DACH1: variants seen among roughly 807,000 people sequenced by gnomAD.
DACH1 encodes the protein dachshund homolog 1.
DACH1 carries 12 observed loss-of-function variants against 54.2 expected under a neutral mutation model. The observed-to-expected ratio is 0.22, with a 90% CI of 0.14 to 0.36. The LOEUF (loss-of-function observed/expected upper bound fraction) is 0.36, where lower values mean the gene tolerates loss of function less well. Among genes scored for constraint, DACH1 ranks in the 10% least tolerant of loss-of-function variants. The pLI is 1.00. For synonymous variants in DACH1, 386 were observed against 366.2 expected (o/e 1.05, Z -0.62); for missense variants, 805 against 929.8 (o/e 0.87, Z 1.75).
chr13:71,814,338 T>C (rs916982077), intron 1 of DACH1, among the ~76,000 whole-genome samples: 3 of 152,250 alleles, frequency 2.0e-5, no homozygotes, highest in African/African-American at 7.2e-5. Flanking sequence ...TCCATTTACT[T>C]AGAATACTTT....
At chr13:71,809,253 C>G (rs303965) in intron 1 of DACH1, among the ~76,000 whole-genome samples, 50,392 of 151,994 alleles carry the variant, frequency 0.33, 8,960 homozygotes, top group African/African-American at 0.43. Context: ...GGCATGATCA[C>G]AGCTCACTTC....
At position 71,866,298 on chromosome 13, in the gene DACH1, T is replaced by C; in HGVS notation, c.472A>G (p.Ser158Gly). Residue 158 changes from serine to glycine, a missense_variant, in exon 1 of 11, where the codon AGC (serine) becomes GGC (glycine). By Grantham distance (56) the Ser-to-Gly change is moderately conservative. This residue lies in a region of DACH1 where 305 missense variants were observed against 308.7 expected (regional missense o/e 0.99). Coordinates refer to ENST00000613252, the MANE Select transcript of DACH1 (RefSeq NM_080759.6). Reference sequence around the variant, plus strand: ...GGGCCGCAGCTGCTGCTGCTACTGCTGCTGCTGCTACTACTGCTGCTGCTG... The same window carrying C: ...GGGCCGCAGCTGCTGCTGCTACTGCCGCTGCTGCTACTACTGCTGCTGCTG... ...SSSSSSSSSS[S>G]SSSSSCGPLP... The C allele has an allele frequency of 6.4e-7, 1 of 1,565,390 alleles. No individual in the cohort carries two copies. Among genetic ancestry groups the C allele is most frequent in the East Asian group, 2.4e-5 (1 of 41,962 alleles).
intron 1 of DACH1, among the ~76,000 whole-genome samples, chr13:71,758,347 C>G (rs1885254514): frequency 6.6e-6 from 1 of 152,092 alleles, no homozygotes. Flanking sequence ...AAAAAGAGAT[C>G]CCTGGAAAAC....
chr13:71,639,976 G>T (rs1386682651), intron 2 of DACH1, among the ~76,000 whole-genome samples: 1 of 151,876 alleles, frequency 6.6e-6, no homozygotes, highest in African/African-American at 2.4e-5. Flanking sequence ...AAAACTTGGG[G>T]ATTAGAAAGA....
At chr13:71,643,919 AT>A (rs780967856) in intron 2 of DACH1, among the ~76,000 whole-genome samples, 6 of 152,192 alleles carry the variant, frequency 3.9e-5, no homozygotes, top group African/African-American at 7.2e-5. Context: ...TTCTAAACAG[AT>A]GAAAAAGTGC....
chr13:71,586,267 C>A (rs1873259445), intron 3 of DACH1, among the ~76,000 whole-genome samples: 1 of 151,916 alleles, frequency 6.6e-6, no homozygotes, highest in African/African-American at 2.4e-5. Context: ...ACTTTTAGAC[C>A]CTCCCTGAGT....
chr13:71,452,710 G>A (rs975139511), intron 10 of DACH1, among the ~76,000 whole-genome samples: 5 of 152,126 alleles, frequency 3.3e-5, no homozygotes, highest in Admixed American at 1.3e-4. Flanking sequence ...TTTGAAACTC[G>A]ACAGAGGGTG....
chr13:71,623,189 C>T (rs1445638433), intron 3 of DACH1, among the ~76,000 whole-genome samples: 3 of 151,446 alleles, frequency 2.0e-5, no homozygotes, highest in East Asian at 3.9e-4. Flanking sequence ...TCACCTGTTG[C>T]CATCATTAAT....
At chr13:71,654,389 CAAAATAAAAT>C (rs540730866) in intron 2 of DACH1, among the ~76,000 whole-genome samples, 3,778 of 60,080 alleles carry the variant, frequency 0.063, 275 homozygotes, top group Middle Eastern at 0.1. Context: ...GACTCTGTCT[CAAAATAAAAT>C]AAAATAAAAT....
intron 3 of DACH1, among the ~76,000 whole-genome samples, chr13:71,611,156 G>T (rs898565325): frequency 2.0e-5 from 3 of 152,162 alleles, no homozygotes; most frequent in Admixed American, 2.0e-4. Flanking sequence ...GCATAATTCA[G>T]ACTTTCTCTT....
chr13:71,559,936 G>T lies in DACH1; in HGVS notation c.1319C>A (p.Pro440His). 1 of 1,589,134 alleles carries T rather than the reference G, an allele frequency of 6.3e-7. No individual in the cohort carries two copies. Among genetic ancestry groups the T allele is most frequent in the East Asian group, 2.3e-5 (1 of 43,954 alleles). The stretch of plus-strand genomic sequence containing the variant: ...CTCCTCCAGAGAGGGGGCAGGTGAG[G>T]GGCTATCAGGAACACGCTCCTGCAC... Reference protein sequence around the residue: ...SVIKERVPDSPSPAPSLEEGR... With the variant: ...SVIKERVPDSHSPAPSLEEGR... The change falls in exon 5 of 11, where the codon CCC (proline) becomes CAC (histidine). Residue 440 changes from proline to histidine, a missense_variant. Pro to His is a moderately conservative substitution (Grantham distance 77, BLOSUM62 -2). Coordinates refer to ENST00000613252, the MANE Select transcript of DACH1 (RefSeq NM_080759.6).
At chr13:71,592,513 A>AAAAAAAAAAAAAAAAAAAAAAG (rs768010399) in intron 3 of DACH1, among the ~76,000 whole-genome samples, 1 of 145,816 alleles carries the variant, frequency 6.9e-6, no homozygotes, top group Non-Finnish European at 1.5e-5. Context: ...AAAAAAAAAA[A>AAAAAAAAAAAAAAAAAAAAAAG]AAAAGAAAAG....
chr13:71,809,168 C>T (rs1175711988), intron 1 of DACH1, among the ~76,000 whole-genome samples: 1 of 152,096 alleles, frequency 6.6e-6, no homozygotes, highest in African/African-American at 2.4e-5. Context: ...TTATAACATA[C>T]CTCAAACAAA....
intron 2 of DACH1, among the ~76,000 whole-genome samples, chr13:71,664,363 C>T (rs1312060672): frequency 6.6e-6 from 1 of 151,952 alleles, no homozygotes; most frequent in African/African-American, 2.4e-5. Context: ...TAAGAAACAA[C>T]CTGTTCTTTT....
At chr13:71,832,768 G>A (rs1463887287) in intron 1 of DACH1, among the ~76,000 whole-genome samples, 3 of 151,792 alleles carry the variant, frequency 2.0e-5, no homozygotes. Context: ...AGCCACCTAG[G>A]TTCAATTAAA....
At chr13:71,520,182 G>A (rs530529344) in intron 6 of DACH1, among the ~76,000 whole-genome samples, 1 of 151,542 alleles carries the variant, frequency 6.6e-6, no homozygotes, top group African/African-American at 2.4e-5. Context: ...GTCTTGGGCA[G>A]TTGTATCCCA....
chr13:71,825,721 GTTATT>G (rs1888352517), intron 1 of DACH1, among the ~76,000 whole-genome samples: 1 of 151,970 alleles, frequency 6.6e-6, no homozygotes, highest in South Asian at 2.1e-4. Flanking sequence ...CATTTGGCTT[GTTATT>G]TTGTTTGGGC....
Position 71,489,161 on chromosome 13 carries a change from G to A in DACH1, c.1571-13C>T. 2 of 1,607,736 alleles carry A rather than the reference G, an allele frequency of 1.2e-6. No homozygotes were observed. The highest frequency in any genetic ancestry group is 1.7e-6 in the Non-Finnish European group (2 of 1,176,536). ...AGCGGGGTCTCATCTGCATGTGATT[G>A]AAACAAAAATATAGAACAAGTTACG... On this transcript the variant is annotated splice_polypyrimidine_tract_variant and intron_variant, in intron 6 of 10. Coordinates refer to ENST00000613252, the MANE Select transcript of DACH1 (RefSeq NM_080759.6).
chr13:71,523,077 C>T (rs1301335714), intron 6 of DACH1, among the ~76,000 whole-genome samples: 1 of 152,058 alleles, frequency 6.6e-6, no homozygotes, highest in Non-Finnish European at 1.5e-5. Flanking sequence ...TCAAACGCCT[C>T]ATTTCCAGGT....
Sources: gnomAD v4.1 joint callset for allele counts (sites outside exome capture counted in the v4.1 genomes callset) on GRCh38, gnomAD v4.1.1 for gene constraint, gnomAD v4.1.1 regional missense constraint, MANE v1.5 for transcripts, NCBI Gene and HGNC (gene_info 2026-07-23, HGNC 2026-07-21) for gene names.